The following ART3 variants were observed in gnomAD, a reference collection of about 807,000 sequenced individuals.
The protein encoded by ART3 is ecto-ADP-ribosyltransferase 3.
In ART3, 49 loss-of-function variants were observed where a neutral mutation model predicts 48.5. The ratio of observed to expected loss-of-function variants is 1.01; its 90% CI spans 0.80 to 1.28. The LOEUF (loss-of-function observed/expected upper bound fraction) is 1.28, where lower values mean the gene tolerates loss of function less well. Ranked by LOEUF, ART3 falls within the 50% of genes most tolerant of loss-of-function variation. The pLI, the probability that ART3 is intolerant of heterozygous loss-of-function variation, is 0.00. For synonymous variants in ART3, 145 were observed against 157.2 expected (o/e 0.92, Z 0.58); for missense variants, 438 against 454.3 (o/e 0.96, Z 0.33).
intron 1 of ART3, among the ~76,000 whole-genome samples, chr4:76,064,091 C>G (rs749909499): frequency 1.3e-5 from 2 of 152,088 alleles, no homozygotes; most frequent in African/African-American, 4.8e-5. Flanking sequence ...CCCAGGGATT[C>G]AATTGAAAGA....
At chr4:76,050,792 G>A (rs1735993108) in intron 1 of ART3, among the ~76,000 whole-genome samples, 1 of 152,226 alleles carries the variant, frequency 6.6e-6, no homozygotes, top group South Asian at 2.1e-4. Context: ...CAGGTCCTGA[G>A]CCCTGCCCCG....
rs759732909 is a variant in ART3 at position 76,082,142 on chromosome 4, A to G, written c.388A>G (p.Ile130Val). 3.7e-6 allele frequency: 6 copies of G among 1,614,106 alleles called. No homozygotes were observed. The Admixed American group carries it at 5.0e-5, about 13-fold the overall frequency. Residue 130 changes from isoleucine to valine, a missense_variant, in exon 3 of 12, where the codon ATC (isoleucine) becomes GTC (valine). Physicochemically the swap from Ile to Val is conservative, Grantham distance 29. This residue lies in a region of ART3 where 206 missense variants were observed against 205.3 expected (regional missense o/e 1.00). Transcript: ENST00000355810. Reference sequence around the variant, plus strand: ...GGCTGGCCAATCTCGAGAAGATTATATCTATGGCTTCCAGTTCAAAGCTTT... The same window carrying G: ...GGCTGGCCAATCTCGAGAAGATTATGTCTATGGCTTCCAGTTCAAAGCTTT... ...KMAGQSREDY[I>V]YGFQFKAFHF...
intron 1 of ART3, among the ~76,000 whole-genome samples, chr4:76,050,550 G>T (rs536104286): frequency 1.3e-5 from 2 of 152,308 alleles, no homozygotes; most frequent in African/African-American, 4.8e-5. Flanking sequence ...AGACATAAAA[G>T]TTCTCCATGT....
intron 3 of ART3, among the ~76,000 whole-genome samples, chr4:76,091,877 T>G (rs1724984595): frequency 6.6e-6 from 1 of 152,136 alleles, no homozygotes; most frequent in Non-Finnish European, 1.5e-5. Flanking sequence ...GAGACAGGGT[T>G]TCACCATGTT....
At chr4:76,022,329 TAA>T in intron 1 of ART3, 1 of 1,554,138 alleles carries the variant, frequency 6.4e-7, no homozygotes, top group Non-Finnish European at 8.9e-7. Context: ...TGCCGTTTCC[TAA>T]AGAGCAATTC....
intron 1 of ART3, chr4:76,036,792 G>A (rs761767784): frequency 1.3e-4 from 34 of 252,666 alleles, no homozygotes; most frequent in Non-Finnish European, 2.2e-4. Context: ...CAGCCAGGAC[G>A]TTGCTCAGCT....
intron 1 of ART3, chr4:76,034,817 C>A (rs1186841831): frequency 1.3e-6 from 2 of 1,554,658 alleles, no homozygotes; most frequent in East Asian, 2.3e-5. Flanking sequence ...TTTCAACTTT[C>A]TGGAATAAGA....
chr4:76,018,874 C>G (rs1397273190), intron 1 of ART3, among the ~76,000 whole-genome samples: 1 of 151,404 alleles, frequency 6.6e-6, no homozygotes, highest in Admixed American at 6.6e-5. Context: ...TATTATCTAC[C>G]AAAAATACCA....
chr4:76,023,620 A>G, intron 1 of ART3: 2 of 518,982 alleles, frequency 3.9e-6, no homozygotes, highest in South Asian at 3.5e-5. Context: ...GGGAAGTCCC[A>G]TGTTGCAGAC....
chr4:76,065,345 C>T (rs191897673), intron 1 of ART3, among the ~76,000 whole-genome samples: 87 of 152,098 alleles, frequency 5.7e-4, no homozygotes, highest in Admixed American at 1.4e-3. Flanking sequence ...CATTCATTTC[C>T]AAACCTGTTC....
At chr4:76,105,843 AG>A in intron 10 of ART3, 1 of 985,416 alleles carries the variant, frequency 1.0e-6, no homozygotes, top group Non-Finnish European at 1.2e-6. Flanking sequence ...CAGGCTTCTC[AG>A]GGTGAAGGAA....
chr4:76,081,790 A>G (rs1057416894), intron 2 of ART3, 34 bp from the exon 3 acceptor site: 1 of 1,562,240 alleles, frequency 6.4e-7, no homozygotes, highest in Non-Finnish European at 8.7e-7. Context: ...TGAATTTCTT[A>G]TTTCAAGAGT....
chr4:76,021,042 C>T lies in ART3; in HGVS notation c.-10+9722C>T, dbSNP rs186993945. The T allele has an allele frequency of 9.1e-4, 139 of 152,266 alleles. 3 individuals carry two copies. Among genetic ancestry groups the T allele is most frequent in the African/African-American group, 3.1e-3 (127 of 41,552 alleles). 9.4% of individuals were successfully genotyped at this position (152,266 alleles called of 1,614,324 possible). A position where few individuals can be genotyped will look rare whatever the true frequency, so the allele number is the denominator to read the frequency against. On this transcript the variant is annotated intron_variant, in intron 1 of 9. Coordinates refer to the ART3 transcript ENST00000341029. ...CTTCTGCCCATGCCACCTTCTTCTC[C>T]AGGCCATAGATTTCTCCAATCTAAG... is the stretch of plus-strand genomic sequence containing the variant.
intron 11 of ART3, among the ~76,000 whole-genome samples, chr4:76,109,714 T>A (rs4524416): frequency 0.12 from 18,209 of 152,166 alleles, 1,406 homozygotes; most frequent in Middle Eastern, 0.21. Flanking sequence ...TCTATTATAA[T>A]TATAGTCTTA....
intron 1 of ART3, among the ~76,000 whole-genome samples, chr4:76,033,460 T>C (rs1734059279): frequency 1.3e-5 from 2 of 152,194 alleles, no homozygotes; most frequent in East Asian, 3.8e-4. Context: ...TTCTCTCTTT[T>C]GGCCTCCCAC....
intron 10 of ART3, 27 bp from the exon 11 acceptor site, chr4:76,107,730 ATAAC>A (rs1237653241): frequency 7.4e-7 from 1 of 1,352,800 alleles, no homozygotes; most frequent in Non-Finnish European, 1.0e-6. Context: ...GATATACAAT[ATAAC>A]TAACTCAAAA....
intron 3 of ART3, among the ~76,000 whole-genome samples, chr4:76,092,158 T>A (rs945100088): frequency 6.6e-6 from 1 of 152,212 alleles, no homozygotes; most frequent in East Asian, 1.9e-4. Context: ...TCTGCTTGGA[T>A]TTTGATTAAG....
At chr4:76,013,066 A>G (rs1731944661) in intron 1 of ART3, among the ~76,000 whole-genome samples, 1 of 152,180 alleles carries the variant, frequency 6.6e-6, no homozygotes. Context: ...ATGTACATTA[A>G]CACTTATTAT....
intron 1 of ART3, among the ~76,000 whole-genome samples, chr4:76,069,294 C>T (rs1452467208): frequency 7.0e-6 from 1 of 142,696 alleles, no homozygotes; most frequent in Non-Finnish European, 1.5e-5. Context: ...CCCCATTATA[C>T]GTCCAGCCCT....
Sources: allele counts gnomAD v4.1 joint callset (sites outside exome capture counted in the v4.1 genomes callset), GRCh38; gene constraint gnomAD v4.1.1; regional missense constraint gnomAD v4.1.1; transcripts MANE v1.5; gene names NCBI Gene and HGNC (gene_info 2026-07-23, HGNC 2026-07-21).